The following PCDH9 variants were observed in gnomAD, a reference collection of about 807,000 sequenced individuals.
PCDH9 encodes protocadherin 9, also known as protocadherin-9.
PCDH9 carries 24 observed loss-of-function variants against 70.6 expected under a neutral mutation model. The ratio of observed to expected loss-of-function variants is 0.34; its 90% CI spans 0.25 to 0.48. The LOEUF is 0.48. PCDH9 is among the 20% of genes least tolerant of loss of function. The pLI is 0.99. For synonymous variants in PCDH9, 562 were observed against 558.5 expected, an observed-to-expected ratio of 1.01 and a Z score of -0.09; for missense variants, 1,281 against 1,503.6, an observed-to-expected ratio of 0.85 and a Z score of 2.45.
intron 2 of PCDH9, among the ~76,000 whole-genome samples, chr13:67,044,841 A>G (rs749921953): frequency 6.6e-5 from 10 of 152,150 alleles, no homozygotes; most frequent in Admixed American, 6.5e-5. Context: ...GGGAAGGAGT[A>G]GAGAAGAGGA....
chr13:66,475,156 G>A (rs1958698408), intron 4 of PCDH9, among the ~76,000 whole-genome samples: 1 of 152,048 alleles, frequency 6.6e-6, no homozygotes, highest in Admixed American at 6.6e-5. Flanking sequence ...AGTGCTATAT[G>A]CTCACAGCAC....
chr13:66,970,202 G>C (rs541312695), intron 2 of PCDH9, among the ~76,000 whole-genome samples: 1 of 152,124 alleles, frequency 6.6e-6, no homozygotes, highest in South Asian at 2.1e-4. Flanking sequence ...GAGATAGTGT[G>C]ATGATTATTA....
At chr13:67,060,640 C>T (rs1000093560) in intron 2 of PCDH9, among the ~76,000 whole-genome samples, 1 of 152,010 alleles carries the variant, frequency 6.6e-6, no homozygotes, top group East Asian at 1.9e-4. Flanking sequence ...AATACGGTGG[C>T]ATTTTAAATC....
At chr13:66,497,430 A>C (rs563006879) in intron 4 of PCDH9, among the ~76,000 whole-genome samples, 1 of 152,322 alleles carries the variant, frequency 6.6e-6, no homozygotes, top group African/African-American at 2.4e-5. Flanking sequence ...TGCTTTGTTT[A>C]GCATTTTGCG....
chr13:67,163,940 CTT>C (rs1407434812), intron 2 of PCDH9, among the ~76,000 whole-genome samples: 1 of 152,040 alleles, frequency 6.6e-6, no homozygotes, highest in Non-Finnish European at 1.5e-5. Context: ...ATGGGGGTCT[CTT>C]AAGTTTATGA....
chr13:66,427,010 CAT>C (rs1297484405), intron 4 of PCDH9, among the ~76,000 whole-genome samples: 1 of 151,388 alleles, frequency 6.6e-6, no homozygotes, highest in Non-Finnish European at 1.5e-5. Flanking sequence ...CATATGAACA[CAT>C]AGCAAAACAA....
rs2080811516 is a variant in PCDH9 at position 66,825,650 on chromosome 13, C to T, written c.3138+77854G>A. On this transcript the variant is annotated intron_variant, in intron 3 of 4. Coordinates refer to ENST00000377865, the MANE Select transcript of PCDH9 (RefSeq NM_203487.3). ...GCGCCCGGCCAAAAACTTTTAAAAA[C>T]TGTAATACAAGTTTGTGAGATTATC... Among the ~76,000 whole-genome samples the T allele has an allele frequency of 2.6e-5, 4 of 152,100 alleles. No homozygotes were observed. In the South Asian group the frequency reaches 8.3e-4, roughly 31 times the overall value.
At chr13:66,998,273 T>A (rs2084164393) in intron 2 of PCDH9, among the ~76,000 whole-genome samples, 1 of 152,194 alleles carries the variant, frequency 6.6e-6, no homozygotes, top group Non-Finnish European at 1.5e-5. Context: ...ATTGTTGGTT[T>A]AAGGAGTTCT....
At chr13:66,344,597 A>G (rs1054469206) in intron 4 of PCDH9, among the ~76,000 whole-genome samples, 5 of 152,232 alleles carry the variant, frequency 3.3e-5, no homozygotes, top group Admixed American at 3.3e-4. Flanking sequence ...CAAGTTAACT[A>G]GGGCAATATG....
chr13:66,326,882 C>T (rs1395665390), intron 4 of PCDH9, among the ~76,000 whole-genome samples: 3 of 149,944 alleles, frequency 2.0e-5, no homozygotes, highest in Non-Finnish European at 4.4e-5. Flanking sequence ...TTCTTCCCCA[C>T]CCAACTTAAG....
At chr13:66,934,708 CTTTTTTTTTTTTTTTT>C (rs1158291293) in intron 2 of PCDH9, among the ~76,000 whole-genome samples, 7 of 47,304 alleles carry the variant, frequency 1.5e-4, no homozygotes, top group African/African-American at 4.4e-4. Flanking sequence ...CATGTGTTTG[CTTTTTTTTTTTTTTTT>C]TTTTTTTTTT....
intron 3 of PCDH9, among the ~76,000 whole-genome samples, chr13:66,789,405 A>G (rs895091269): frequency 6.6e-6 from 1 of 152,178 alleles, no homozygotes; most frequent in East Asian, 1.9e-4. Context: ...TATTGAGACA[A>G]TTCTTTCCTT....
intron 2 of PCDH9, among the ~76,000 whole-genome samples, chr13:67,082,666 T>C (rs947300756): frequency 1.3e-5 from 2 of 152,212 alleles, no homozygotes; most frequent in African/African-American, 4.8e-5. Flanking sequence ...AATTGTTTTA[T>C]CTCTTTATAT....
intron 2 of PCDH9, among the ~76,000 whole-genome samples, chr13:67,019,620 T>C (rs1169714282): frequency 3.3e-5 from 5 of 152,200 alleles, no homozygotes; most frequent in African/African-American, 1.2e-4. Flanking sequence ...ACTGTAGTCT[T>C]TCCTTGATGT....
intron 4 of PCDH9, among the ~76,000 whole-genome samples, chr13:66,524,711 C>T (rs758844283): frequency 6.6e-6 from 1 of 151,978 alleles, no homozygotes; most frequent in Non-Finnish European, 1.5e-5. Flanking sequence ...ATTCAGCACT[C>T]GTTGAGGAAA....
chr13:66,594,467 TGTTTA>T (rs1378599087), intron 4 of PCDH9, among the ~76,000 whole-genome samples: 1 of 142,216 alleles, frequency 7.0e-6, no homozygotes, highest in Non-Finnish European at 1.5e-5. Flanking sequence ...GGTTACTTTT[TGTTTA>T]TTTTATTTTA....
intron 2 of PCDH9, among the ~76,000 whole-genome samples, chr13:67,121,379 A>G (rs1483069978): frequency 6.6e-6 from 1 of 152,208 alleles, no homozygotes; most frequent in Non-Finnish European, 1.5e-5. Flanking sequence ...CTTGTGAGTT[A>G]CTGTATTGGG....
chr13:66,747,214 G>A (rs189302756), intron 3 of PCDH9, among the ~76,000 whole-genome samples: 2 of 152,076 alleles, frequency 1.3e-5, no homozygotes, highest in African/African-American at 4.8e-5. Flanking sequence ...AGCCAGATAT[G>A]GTGGTGTGTG....
intron 2 of PCDH9, among the ~76,000 whole-genome samples, chr13:67,004,899 G>A (rs964471587): frequency 5.9e-5 from 9 of 152,014 alleles, no homozygotes; most frequent in African/African-American, 2.2e-4. Context: ...TATCAGCATT[G>A]TCCAAGCAAT....
Sources: allele counts gnomAD v4.1 joint callset (sites outside exome capture counted in the v4.1 genomes callset), GRCh38; gene constraint gnomAD v4.1.1; transcripts MANE v1.5; gene names NCBI Gene and HGNC (gene_info 2026-07-23, HGNC 2026-07-21).